Variants in RAPGEF4 observed in about 807,000 individuals in gnomAD.
RAPGEF4 encodes RAP guanine-nucleotide-exchange factor (GEF) 4.
A neutral mutation model predicts 147.9 loss-of-function variants in RAPGEF4; 66 were observed. That is an observed-to-expected ratio of 0.45 (90% CI 0.37 to 0.55). The LOEUF is 0.55. RAPGEF4 is among the 20% of genes least tolerant of loss of function. RAPGEF4 has a pLI of 0.00. For synonymous variants in RAPGEF4, 419 were observed against 442.7 expected, an observed-to-expected ratio of 0.95 and a Z score of 0.67; for missense variants, 1,071 against 1,257.3, an observed-to-expected ratio of 0.85 and a Z score of 2.24.
At chr2:173,047,593 C>T (rs1309834046) in intron 29 of RAPGEF4, among the ~76,000 whole-genome samples, 4 of 151,590 alleles carry the variant, frequency 2.6e-5, no homozygotes, top group Admixed American at 1.3e-4. Flanking sequence ...GGCTATATGC[C>T]GAAATATTAA....
chr2:173,031,145 T>A (rs1340487275), intron 26 of RAPGEF4, among the ~76,000 whole-genome samples: 1 of 152,216 alleles, frequency 6.6e-6, no homozygotes, highest in Non-Finnish European at 1.5e-5. Flanking sequence ...CCCCATGTCC[T>A]TCTTGCAATG....
Position 173,020,632 on chromosome 2 carries a change from A to C in RAPGEF4, c.2170A>C (p.Lys724Gln), listed in dbSNP as rs762232654. Residue 724 changes from lysine (K) to glutamine (Q), a missense_variant, in exon 23 of 31, where the codon AAA becomes CAA. By Grantham distance (53) the Lys-to-Gln change is moderately conservative. Coordinates refer to ENST00000397081, the MANE Select transcript of RAPGEF4 (RefSeq NM_007023.4). ...TATGTTCACAGAAAAGGTGGTGCTCAAACCTAATGATGTTTCAGTATTTAC... is the reference window on the plus strand; with the variant it reads ...TATGTTCACAGAAAAGGTGGTGCTCCAACCTAATGATGTTTCAGTATTTAC... ...MSSGGEKVVL[K>Q]PNDVSVFTTL... 1 of 1,613,224 alleles carries C rather than the reference A, an allele frequency of 6.2e-7. No homozygotes were observed. Among genetic ancestry groups the C allele is most frequent in the East Asian group, 2.2e-5 (1 of 44,862 alleles).
At chr2:172,996,771 C>T (rs1187474244) in intron 16 of RAPGEF4, among the ~76,000 whole-genome samples, 1 of 152,188 alleles carries the variant, frequency 6.6e-6, no homozygotes, top group Non-Finnish European at 1.5e-5. Context: ...AATGACTCAG[C>T]CTCATTTCTA....
intron 4 of RAPGEF4, among the ~76,000 whole-genome samples, chr2:172,824,772 G>A (rs933239412): frequency 6.6e-6 from 1 of 152,180 alleles, no homozygotes; most frequent in Non-Finnish European, 1.5e-5. Context: ...TTCACTGTAT[G>A]CCTATGAGAG....
intron 4 of RAPGEF4, among the ~76,000 whole-genome samples, chr2:172,879,471 C>T (rs765708732): frequency 6.6e-6 from 1 of 152,056 alleles, no homozygotes; most frequent in African/African-American, 2.4e-5. Context: ...GGTGGAGTGA[C>T]GAAGCGGGAC....
intron 1 of RAPGEF4, among the ~76,000 whole-genome samples, chr2:172,745,387 C>A (rs1400437179): frequency 6.6e-6 from 1 of 151,222 alleles, no homozygotes; most frequent in Admixed American, 6.6e-5. Flanking sequence ...CCTTATAATC[C>A]TTTTAATGCC....
At chr2:172,756,465 A>T (rs962342000) in intron 1 of RAPGEF4, among the ~76,000 whole-genome samples, 21 of 152,180 alleles carry the variant, frequency 1.4e-4, no homozygotes, top group Non-Finnish European at 5.9e-5. Context: ...GTCCATTTTC[A>T]ACCCACATAA....
intron 4 of RAPGEF4, among the ~76,000 whole-genome samples, chr2:172,905,073 C>T (rs1449940790): frequency 6.6e-6 from 1 of 152,090 alleles, no homozygotes; most frequent in East Asian, 1.9e-4. Flanking sequence ...TCCCTTAACA[C>T]TCGACCTGCT....
chr2:173,046,500 G>T (rs3769212), intron 29 of RAPGEF4, among the ~76,000 whole-genome samples: 2 of 152,060 alleles, frequency 1.3e-5, no homozygotes, highest in East Asian at 3.9e-4. Context: ...CAGGGTTTTC[G>T]GTAATTACAC....
intron 10 of RAPGEF4, among the ~76,000 whole-genome samples, chr2:172,979,944 G>A (rs900417298): frequency 1.3e-5 from 2 of 152,214 alleles, no homozygotes; most frequent in Non-Finnish European, 1.5e-5. Context: ...TTAAACTCGG[G>A]GGGCAGAGCT....
At chr2:172,878,408 A>G (rs896489438) in intron 4 of RAPGEF4, among the ~76,000 whole-genome samples, 1 of 152,178 alleles carries the variant, frequency 6.6e-6, no homozygotes, top group Non-Finnish European at 1.5e-5. Context: ...TCTTATTTCT[A>G]GGAGAGTCTG....
chr2:172,774,424 C>G (rs1016468008), intron 1 of RAPGEF4, among the ~76,000 whole-genome samples: 4 of 152,212 alleles, frequency 2.6e-5, no homozygotes, highest in Non-Finnish European at 5.9e-5. Context: ...GAACTCCAAA[C>G]CATTGGAACT....
At position 172,739,023 on chromosome 2, in the gene RAPGEF4, T is replaced by C. The variant is rs564472298; in HGVS notation, c.65+2975T>C. 2.0e-5 allele frequency among the ~76,000 whole-genome samples: 3 copies of C among 152,342 alleles called. No individual in the cohort carries two copies. In the South Asian group the frequency reaches 6.2e-4, roughly 32 times the overall value. Reference sequence around the variant, plus strand: ...AAGGGTGTTGCAAGTGTTGTAGATATGTAGATTAGATTAAAGAAACAAAAT... The same window carrying C: ...AAGGGTGTTGCAAGTGTTGTAGATACGTAGATTAGATTAAAGAAACAAAAT... On this transcript the variant is annotated intron_variant, in intron 1 of 30. Coordinates refer to ENST00000397081, the MANE Select transcript of RAPGEF4 (RefSeq NM_007023.4).
chr2:172,924,216 C>T (rs1685044514), intron 6 of RAPGEF4, among the ~76,000 whole-genome samples: 1 of 152,224 alleles, frequency 6.6e-6, no homozygotes, highest in South Asian at 2.1e-4. Context: ...CTGAAATGTT[C>T]TAGGCTCCAA....
At chr2:172,895,761 G>A (rs1243380179) in intron 4 of RAPGEF4, among the ~76,000 whole-genome samples, 1 of 152,038 alleles carries the variant, frequency 6.6e-6, no homozygotes, top group Non-Finnish European at 1.5e-5. Flanking sequence ...GGGAGAGGAG[G>A]GGTAAAAAGA....
intron 1 of RAPGEF4, among the ~76,000 whole-genome samples, chr2:172,773,068 A>C (rs1683789803): frequency 6.6e-6 from 1 of 151,998 alleles, no homozygotes; most frequent in African/African-American, 2.4e-5. Flanking sequence ...ATGCAGTGCC[A>C]CTTTTTGTAC....
chr2:172,883,990 T>A (rs574413592), intron 4 of RAPGEF4, among the ~76,000 whole-genome samples: 124 of 152,158 alleles, frequency 8.1e-4, no homozygotes, highest in Non-Finnish European at 1.4e-3. Flanking sequence ...CCTCATGGAG[T>A]TGGGACAGCA....
rs140536453 is a variant in RAPGEF4 at position 172,823,574 on chromosome 2, A to C, written c.444+9149A>C. 3.9e-5 allele frequency among the ~76,000 whole-genome samples: 6 copies of C among 152,246 alleles called. No individual in the cohort carries two copies. The East Asian group carries it at 9.6e-4, about 24-fold the overall frequency. On this transcript the variant is annotated intron_variant, in intron 4 of 30. Coordinates refer to ENST00000397081, the MANE Select transcript of RAPGEF4 (RefSeq NM_007023.4). ...TTTATGTGTAGAAAGCCCTGTGGTC[A>C]TGGGACTTTCCTGCTCTCGTGGGGC... is the stretch of plus-strand genomic sequence containing the variant.
intron 17 of RAPGEF4, among the ~76,000 whole-genome samples, chr2:173,011,753 A>G (rs182950582): frequency 6.6e-6 from 1 of 152,004 alleles, no homozygotes; most frequent in Non-Finnish European, 1.5e-5. Context: ...TCTTTGCCTA[A>G]GTACTTGTAA....
Sources: gnomAD v4.1 joint callset for allele counts (sites outside exome capture counted in the v4.1 genomes callset) on GRCh38, gnomAD v4.1.1 for gene constraint, MANE v1.5 for transcripts, NCBI Gene and HGNC (gene_info 2026-07-23, HGNC 2026-07-21) for gene names.